SP3: variants seen among roughly 807,000 people sequenced by gnomAD.
SP3 encodes Sp3 transcription factor.
SP3 carries 10 observed loss-of-function variants against 70.3 expected under a neutral mutation model. The observed-to-expected ratio is 0.14, with a 90% CI of 0.09 to 0.24. SP3 has a LOEUF of 0.24. SP3 is among the 10% of genes least tolerant of loss of function. The pLI is 1.00. For missense variants in SP3, 825 were observed against 914.6 expected (o/e 0.90, Z 1.26); for synonymous variants, 402 against 333.5 (o/e 1.21, Z -2.24).
At chr2:173,942,619 C>T (rs1326667774) in intron 4 of SP3, among the ~76,000 whole-genome samples, 1 of 152,164 alleles carries the variant, frequency 6.6e-6, no homozygotes, top group Non-Finnish European at 1.5e-5. Context: ...CTAAATTCTA[C>T]CTCCAGCCCA....
intron 4 of SP3, 84 bp downstream of exon 4, chr2:173,954,789 T>C: frequency 2.5e-6 from 3 of 1,206,096 alleles, no homozygotes; most frequent in Non-Finnish European, 3.5e-6. Flanking sequence ...GTGAGTCTGA[T>C]GCTGATAAAT....
rs775221560 is a variant in SP3 at position 173,955,594 on chromosome 2, T to C, written c.918A>G (p.Ser306=). The change falls in exon 4 of 7, where the codon TCA becomes TCG. Residue 306 remains serine (S), a synonymous_variant. Transcript: ENST00000310015. ...GCTCACCAGTCCTTTCTGAATTGTC[T>C]GAACTATCCATAGCTTGTCCTGTGT... ...LINTGQAMDS[S]DNSERTGERV... 3 of 1,614,092 alleles carry C rather than the reference T, an allele frequency of 1.9e-6. No individual in the cohort carries two copies. Among genetic ancestry groups the C allele is most frequent in the Non-Finnish European group, 2.5e-6 (3 of 1,180,030 alleles).
At chr2:173,915,683 A>T (rs1260198968) in intron 5 of SP3, 2 of 152,094 alleles carry the variant, frequency 1.3e-5, no homozygotes, top group African/African-American at 2.4e-5. Flanking sequence ...GCACAATTTT[A>T]AAAATATGGA....
At chr2:173,963,668 C>T in intron 3 of SP3, 93 bp downstream of exon 3, 1 of 326,210 alleles carries the variant, frequency 3.1e-6, no homozygotes, top group Non-Finnish European at 4.4e-6. Context: ...GGGGGAAGCG[C>T]GGGCGCCGGG....
chr2:173,918,412 T>C (rs760097294), intron 5 of SP3, among the ~76,000 whole-genome samples, 181 bp downstream of exon 5: 11 of 152,246 alleles, frequency 7.2e-5, no homozygotes, highest in East Asian at 3.9e-4. Flanking sequence ...TTAAAAAACA[T>C]TGAGAACTGA....
intron 4 of SP3, among the ~76,000 whole-genome samples, chr2:173,944,147 T>C (rs183602881): frequency 6.6e-6 from 1 of 152,254 alleles, no homozygotes; most frequent in African/African-American, 2.4e-5. Flanking sequence ...AATGACTGAC[T>C]AACCTAGGTT....
intron 4 of SP3, among the ~76,000 whole-genome samples, chr2:173,946,333 G>T (rs1329221609): frequency 2.0e-5 from 3 of 150,984 alleles, no homozygotes; most frequent in Admixed American, 6.6e-5. Context: ...TTTTTAAAGA[G>T]ATGGGGGTCT....
At chr2:173,949,469 A>G (rs934348822) in intron 4 of SP3, among the ~76,000 whole-genome samples, 1 of 152,170 alleles carries the variant, frequency 6.6e-6, no homozygotes, top group Non-Finnish European at 1.5e-5. Flanking sequence ...AGGAGAGTGA[A>G]AAGAACAAAG....
chr2:173,910,370 G>A, intron 6 of SP3, 113 bp from the exon 7 acceptor site: 3 of 768,484 alleles, frequency 3.9e-6, no homozygotes, highest in East Asian at 2.7e-5. Context: ...TGGGAGCAGG[G>A]GTCTATTAAA....
At chr2:173,946,908 A>C (rs1690559771) in intron 4 of SP3, among the ~76,000 whole-genome samples, 2 of 150,486 alleles carry the variant, frequency 1.3e-5, no homozygotes, top group African/African-American at 4.9e-5. Flanking sequence ...AGGTAGACGG[A>C]GGGTCTTACT....
intron 4 of SP3, among the ~76,000 whole-genome samples, chr2:173,929,076 C>A (rs1291321628): frequency 6.6e-6 from 1 of 152,138 alleles, no homozygotes; most frequent in Non-Finnish European, 1.5e-5. Flanking sequence ...GGAGTCCAGG[C>A]TCCCCTTGAT....
Position 173,918,657 on chromosome 2 carries a change from G to C in SP3, c.1768C>G (p.Gln590Glu). Reference sequence around the variant, plus strand: ...ACCCTCCGAAGTCTTTTTCCTTCTTGATGTTGTTGGTCCCCTTCTTCATCT... The same window carrying C: ...ACCCTCCGAAGTCTTTTTCCTTCTTCATGTTGTTGGTCCCCTTCTTCATCT... ...VVDEEGDQQH[Q>E]EGKRLRRVAC... The change falls in exon 5 of 7, where the codon CAA (glutamine) becomes GAA (glutamate). Residue 590 changes from glutamine to glutamate, a missense_variant. This residue lies in a region of SP3 where 37 missense variants were observed against 66.2 expected (regional missense o/e 0.56). Coordinates refer to ENST00000310015, the MANE Select transcript of SP3 (RefSeq NM_003111.5). 7 of 1,613,730 alleles carry C rather than the reference G, an allele frequency of 4.3e-6. No homozygotes were observed. Among genetic ancestry groups the C allele is most frequent in the Non-Finnish European group, 5.1e-6 (6 of 1,179,794 alleles).
intron 3 of SP3, among the ~76,000 whole-genome samples, chr2:173,958,818 A>G (rs1159191896): frequency 5.9e-5 from 9 of 151,926 alleles, no homozygotes; most frequent in Non-Finnish European, 1.5e-5. Context: ...AGTTCTGGCT[A>G]CACTGTGGAA....
intron 5 of SP3, chr2:173,916,182 T>A (rs979084484): frequency 6.6e-6 from 1 of 152,068 alleles, no homozygotes; most frequent in African/African-American, 2.4e-5. Context: ...TTTCTTTTCT[T>A]AGGAATCTCA....
At chr2:173,918,371 A>G (rs1689663368) in intron 5 of SP3, among the ~76,000 whole-genome samples, 1 of 152,104 alleles carries the variant, frequency 6.6e-6, no homozygotes, top group African/African-American at 2.4e-5. Context: ...CTGCTGTACT[A>G]TTTTTGAAAC....
At chr2:173,942,044 T>G (rs1473363091) in intron 4 of SP3, among the ~76,000 whole-genome samples, 2 of 152,234 alleles carry the variant, frequency 1.3e-5, no homozygotes, top group African/African-American at 2.4e-5. Context: ...GAATAGTAAC[T>G]TGAGGCTCAG....
intron 4 of SP3, among the ~76,000 whole-genome samples, chr2:173,952,049 TG>T (rs1379177085): frequency 1.2e-4 from 19 of 152,114 alleles, no homozygotes; most frequent in Non-Finnish European, 2.5e-4. Flanking sequence ...TTTTGTCATC[TG>T]CAGCAGCAAA....
chr2:173,921,545 AC>A, intron 4 of SP3, among the ~76,000 whole-genome samples: 1 of 151,950 alleles, frequency 6.6e-6, no homozygotes, highest in Non-Finnish European at 1.5e-5. Flanking sequence ...AAACAAACAA[AC>A]AAACAAACAA....
chr2:173,936,211 G>C (rs1331367667), intron 4 of SP3, among the ~76,000 whole-genome samples: 3 of 152,000 alleles, frequency 2.0e-5, no homozygotes, highest in East Asian at 1.9e-4. Context: ...ATTTTTAGTA[G>C]AGACAGGGTT....
Sources: gnomAD v4.1 joint callset for allele counts (sites outside exome capture counted in the v4.1 genomes callset) on GRCh38, gnomAD v4.1.1 for gene constraint, gnomAD v4.1.1 regional missense constraint, MANE v1.5 for transcripts, NCBI Gene and HGNC (gene_info 2026-07-23, HGNC 2026-07-21) for gene names.